FBXW7: variants seen among roughly 807,000 people sequenced by gnomAD.
The protein encoded by FBXW7 is F-box/WD repeat-containing protein 7.
A neutral mutation model predicts 86.3 loss-of-function variants in FBXW7; 11 were observed. The observed-to-expected ratio is 0.13, with a 90% CI of 0.08 to 0.21. The LOEUF (loss-of-function observed/expected upper bound fraction) is 0.21. Among genes scored for constraint, FBXW7 ranks in the 10% least tolerant of loss-of-function variants. The probability of loss-of-function intolerance (pLI) is 1.00; values close to 1 mark genes in which losing one functional copy is unlikely to be tolerated. For synonymous variants in FBXW7, 313 were observed against 297.9 expected (o/e 1.05, Z -0.52); for missense variants, 488 against 847.4 (o/e 0.58, Z 5.27).
At chr4:152,475,083 A>G (rs1362184888) in intron 2 of FBXW7, among the ~76,000 whole-genome samples, 1 of 151,582 alleles carries the variant, frequency 6.6e-6, no homozygotes, top group East Asian at 1.9e-4. Flanking sequence ...CCTGGCTGAC[A>G]GAGCAAGACT....
At chr4:152,500,680 T>C (rs77109271) in intron 2 of FBXW7, among the ~76,000 whole-genome samples, 2,077 of 152,176 alleles carry the variant, frequency 0.014, 25 homozygotes, top group Middle Eastern at 0.037. Flanking sequence ...TTAAGCAAGG[T>C]TGTTAACACA....
At chr4:152,471,125 T>C (rs1743915662) in intron 2 of FBXW7, among the ~76,000 whole-genome samples, 1 of 151,862 alleles carries the variant, frequency 6.6e-6, no homozygotes, top group Non-Finnish European at 1.5e-5. Context: ...TTTCTATGAC[T>C]ACTACTGTTA....
intron 4 of FBXW7, among the ~76,000 whole-genome samples, chr4:152,400,517 A>G (rs535092169): frequency 1.4e-5 from 2 of 142,274 alleles, no homozygotes; most frequent in East Asian, 4.1e-4. Flanking sequence ...AATTTTGTGC[A>G]TTTTTTTTTT....
intron 4 of FBXW7, chr4:152,382,134 G>T: frequency 7.6e-7 from 1 of 1,321,004 alleles, no homozygotes. Flanking sequence ...ACTAAAAGAG[G>T]CCAAGGTACT....
At chr4:152,519,904 T>A (rs1387331426) in intron 2 of FBXW7, among the ~76,000 whole-genome samples, 1 of 152,220 alleles carries the variant, frequency 6.6e-6, no homozygotes, top group Non-Finnish European at 1.5e-5. Flanking sequence ...TCTTGGAAAT[T>A]TCTCTGAATT....
chr4:152,533,950 T>C (rs963302556), intron 2 of FBXW7, among the ~76,000 whole-genome samples: 1 of 152,252 alleles, frequency 6.6e-6, no homozygotes, highest in Admixed American at 6.5e-5. Flanking sequence ...CACAGTTGTC[T>C]AGACGGACCA....
At position 152,536,000 on chromosome 4, in the gene FBXW7, CG is replaced by C; in HGVS notation, c.-1087del. ...GATGCTCCTTCGCTCTCAGTCTCAG[CG>C]GCGGCGGCGGCGGCAGCGGCAGCGG... On this transcript the variant is annotated 5_prime_UTR_variant, in exon 1 of 14. Transcript: ENST00000281708. 4.8e-6 allele frequency: 1 copy of C among 208,636 alleles called. No homozygotes were observed. Among genetic ancestry groups the C allele is most frequent in the East Asian group, 1.1e-4 (1 of 9,508 alleles). The allele number at this position is 208,636 out of a possible 1,614,324, so 12.9% of individuals were successfully genotyped here.
chr4:152,498,774 C>T (rs1746624393), intron 2 of FBXW7, among the ~76,000 whole-genome samples: 1 of 151,874 alleles, frequency 6.6e-6, no homozygotes, highest in South Asian at 2.1e-4. Flanking sequence ...GAGCTCAAGC[C>T]AAGTAGCAAA....
chr4:152,382,643 A>C, intron 4 of FBXW7: 1 of 251,622 alleles, frequency 4.0e-6, no homozygotes, highest in Non-Finnish European at 6.9e-6. Flanking sequence ...AACACAACCA[A>C]AGCAGGGCTG....
rs369187069 is a variant in FBXW7 at position 152,332,710 on chromosome 4, A to G, written c.871T>C (p.Tyr291His). Reference sequence around the variant, plus strand: ...TTGGGTTCCAGGAATGAAAGCACATAGAGTGCCAACTAAGAAAAAAATGCA... The same window carrying G: ...TTGGGTTCCAGGAATGAAAGCACATGGAGTGCCAACTAAGAAAAAAATGCA... ...ISLLPKELAL[Y>H]VLSFLEPKDL... Residue 291 changes from tyrosine (Y) to histidine (H), a missense_variant, in exon 8 of 14, where the codon TAT becomes CAT. Around this residue, in one of 4 missense-constraint regions of FBXW7, gnomAD observed 59 missense variants for 137.9 expected, o/e 0.43. Transcript: ENST00000281708. 1.3e-6 allele frequency: 2 copies of G among 1,581,778 alleles called. No individual in the cohort carries two copies. Among genetic ancestry groups the G allele is most frequent in the East Asian group, 2.3e-5 (1 of 43,624 alleles).
At chr4:152,515,446 GA>G (rs1474814777) in intron 2 of FBXW7, among the ~76,000 whole-genome samples, 6 of 151,990 alleles carry the variant, frequency 3.9e-5, no homozygotes, top group East Asian at 1.9e-4. Context: ...AAAATGGGGG[GA>G]AAAAAGCAAC....
chr4:152,406,120 C>T (rs957058003), intron 4 of FBXW7, among the ~76,000 whole-genome samples: 3 of 152,146 alleles, frequency 2.0e-5, no homozygotes, highest in African/African-American at 7.2e-5. Flanking sequence ...CATTATAATA[C>T]ACATATGAAA....
intron 2 of FBXW7, among the ~76,000 whole-genome samples, chr4:152,480,947 T>A (rs1320844389): frequency 6.6e-6 from 1 of 152,234 alleles, no homozygotes; most frequent in Non-Finnish European, 1.5e-5. Context: ...CAGCAAGTTA[T>A]CTAGAAGATC....
At chr4:152,488,690 T>G (rs1745567318) in intron 2 of FBXW7, among the ~76,000 whole-genome samples, 1 of 152,108 alleles carries the variant, frequency 6.6e-6, no homozygotes, top group South Asian at 2.1e-4. Flanking sequence ...CAGAAATTTC[T>G]AGATGAAATT....
intron 2 of FBXW7, among the ~76,000 whole-genome samples, chr4:152,435,079 G>C: frequency 7.2e-6 from 1 of 138,170 alleles, no homozygotes; most frequent in Non-Finnish European, 1.6e-5. Context: ...GAGGGGAGGG[G>C]AGGGGAGGGG....
chr4:152,414,680 AGAACATTACTTTTCCTTTTTT>A (rs1358899343), intron 2 of FBXW7, among the ~76,000 whole-genome samples: 2 of 152,174 alleles, frequency 1.3e-5, no homozygotes, highest in Non-Finnish European at 2.9e-5. Context: ...GCTGGAGAAA[AGAACATTACTTTTCCTTTTTT>A]AAGTGTGGGG....
intron 4 of FBXW7, among the ~76,000 whole-genome samples, chr4:152,396,276 C>T (rs1451623771): frequency 6.6e-6 from 1 of 151,888 alleles, no homozygotes; most frequent in Admixed American, 6.6e-5. Context: ...AATACATATC[C>T]TCAATTCTGC....
intron 4 of FBXW7, among the ~76,000 whole-genome samples, chr4:152,368,651 T>G (rs1200796406): frequency 2.6e-5 from 4 of 152,098 alleles, no homozygotes; most frequent in African/African-American, 4.8e-5. Flanking sequence ...ATTACCAAAT[T>G]TTGGGGGCTT....
chr4:152,406,709 G>A (rs990897929), intron 4 of FBXW7, among the ~76,000 whole-genome samples: 12 of 152,142 alleles, frequency 7.9e-5, no homozygotes, highest in African/African-American at 2.7e-4. Flanking sequence ...CAACTAGGGA[G>A]ATCTGTGGGT....
Sources: allele counts gnomAD v4.1 joint callset (sites outside exome capture counted in the v4.1 genomes callset), GRCh38; gene constraint gnomAD v4.1.1; regional missense constraint gnomAD v4.1.1; transcripts MANE v1.5; gene names NCBI Gene and HGNC (gene_info 2026-07-23, HGNC 2026-07-21).